NUP98: variants seen among roughly 807,000 people sequenced by gnomAD.
NUP98 encodes nucleoporin 98 and 96 precursor.
NUP98 carries 26 observed loss-of-function variants against 191.9 expected under a neutral mutation model. The observed-to-expected ratio is 0.14, with a 90% CI of 0.10 to 0.19. The LOEUF is 0.19. Among genes scored for constraint, NUP98 ranks in the 10% least tolerant of loss-of-function variants. NUP98 has a pLI of 1.00. For missense variants in NUP98, 1,941 were observed against 2,178.8 expected (o/e 0.89, Z 2.17); for synonymous variants, 808 against 778.4 (o/e 1.04, Z -0.63).
chr11:3,731,059 G>A (rs1200023297), intron 14 of NUP98, among the ~76,000 whole-genome samples: 1 of 152,154 alleles, frequency 6.6e-6, no homozygotes, highest in African/African-American at 2.4e-5. Flanking sequence ...GCAGTCAGGG[G>A]TTCAAGACCA....
At chr11:3,757,217 A>G (rs1450526552) in intron 10 of NUP98, among the ~76,000 whole-genome samples, 1 of 151,908 alleles carries the variant, frequency 6.6e-6, no homozygotes, top group Admixed American at 6.6e-5. Flanking sequence ...GGCTGGGCGC[A>G]GTGGCTCATG....
At chr11:3,712,528 G>T (rs150519608) in intron 20 of NUP98, 36 bp downstream of exon 20, 3 of 1,610,588 alleles carry the variant, frequency 1.9e-6, no homozygotes, top group Non-Finnish European at 2.5e-6. Flanking sequence ...TCGGTATCAC[G>T]GATTCCATTC....
chr11:3,748,625 T>C (rs1434485408), intron 11 of NUP98, among the ~76,000 whole-genome samples: 2 of 152,130 alleles, frequency 1.3e-5, no homozygotes, highest in African/African-American at 4.8e-5. Context: ...GCCAACATGG[T>C]GAAACCCCAT....
intron 18 of NUP98, among the ~76,000 whole-genome samples, chr11:3,714,554 G>T (rs545454370): frequency 2.2e-4 from 34 of 152,238 alleles, no homozygotes; most frequent in African/African-American, 7.9e-4. Context: ...ATAGGTAGAT[G>T]CTGCTCTCCA....
At position 3,797,463 on chromosome 11, in the gene NUP98, A is replaced by G. The variant is rs1370540386; in HGVS notation, c.-92T>C. On this transcript the variant is annotated 5_prime_UTR_variant, in exon 1 of 33. Transcript: ENST00000324932. Reference sequence around the variant, plus strand: ...TGCTGCCACCCGCCGCTCACAGAGCAGCGCGCGGCCCCCACGAAACCGTCG... The same window carrying G: ...TGCTGCCACCCGCCGCTCACAGAGCGGCGCGCGGCCCCCACGAAACCGTCG... 2.4e-6 allele frequency: 1 copy of G among 423,806 alleles called. No homozygotes were observed. Among genetic ancestry groups the G allele is most frequent in the South Asian group, 6.9e-5 (1 of 14,522 alleles). 26.3% of individuals were successfully genotyped at this position (423,806 alleles called of 1,614,324 possible).
intron 29 of NUP98, among the ~76,000 whole-genome samples, chr11:3,684,806 G>T (rs929213025): frequency 7.2e-6 from 1 of 138,266 alleles, no homozygotes; most frequent in Non-Finnish European, 1.5e-5. Context: ...AAAGGCTTAG[G>T]CTTAGAGAGT....
At chr11:3,676,448 T>A (rs1437182434) in intron 32 of NUP98, 61 bp downstream of exon 32, 2 of 1,600,954 alleles carry the variant, frequency 1.2e-6, no homozygotes, top group Admixed American at 1.7e-5. Flanking sequence ...GAGGGTGGGG[T>A]GTAATAATCA....
Position 3,782,017 on chromosome 11 carries a change from T to A in NUP98, c.76+25A>T, listed in dbSNP as rs758603327. Reference sequence around the variant, plus strand: ...AGTAAGGGAGATTAAGGTTTCTCCCTCTTTTGTCCTTTTTAAAAACTTACT... The same window carrying A: ...AGTAAGGGAGATTAAGGTTTCTCCCACTTTTGTCCTTTTTAAAAACTTACT... On this transcript the variant is annotated intron_variant, in intron 2 of 32. Transcript: ENST00000324932. 8 of 1,561,626 alleles carry A rather than the reference T, an allele frequency of 5.1e-6. No homozygotes were observed. The Admixed American group carries it at 6.9e-5, about 13-fold the overall frequency.
chr11:3,786,985 A>T (rs1314918416), intron 1 of NUP98, among the ~76,000 whole-genome samples: 1 of 152,242 alleles, frequency 6.6e-6, no homozygotes, highest in East Asian at 1.9e-4. Flanking sequence ...TGTTAGATGA[A>T]TGGACTGTAT....
At chr11:3,749,540 A>C (rs149232599) in intron 11 of NUP98, among the ~76,000 whole-genome samples, 1 of 152,134 alleles carries the variant, frequency 6.6e-6, no homozygotes, top group Non-Finnish European at 1.5e-5. Flanking sequence ...CAGGAGAATC[A>C]CTTGAACCCA....
At chr11:3,695,337 C>G in intron 26 of NUP98, 112 bp downstream of exon 26, 1 of 985,252 alleles carries the variant, frequency 1.0e-6, no homozygotes, top group Non-Finnish European at 1.4e-6. Flanking sequence ...ATGTGTAAAA[C>G]ATTTTGTGTA....
In NUP98 at chr11:3,762,947, T is replaced by G. The variant is rs1424963160; in HGVS notation, c.1041A>C (p.Thr347=). 2 of 1,614,180 alleles carry G rather than the reference T, an allele frequency of 1.2e-6. No individual in the cohort carries two copies. Among genetic ancestry groups the G allele is most frequent in the Non-Finnish European group, 1.7e-6 (2 of 1,180,036 alleles). ...TSTGTAFGTG[T]GLFGQTNTGF... ...CAGTATTGGTCTGCCCAAAGAGACC[T>G]GTTCCTGTTCCAAATGCTGTCCCAG... Residue 347 remains threonine (T), a synonymous_variant, in exon 9 of 33, where the codon ACA becomes ACC. Coordinates refer to ENST00000324932, the MANE Select transcript of NUP98 (RefSeq NM_016320.5).
intron 12 of NUP98, among the ~76,000 whole-genome samples, chr11:3,743,553 G>C (rs1465758378): frequency 6.7e-6 from 1 of 148,240 alleles, no homozygotes; most frequent in Non-Finnish European, 1.5e-5. Context: ...AGGCTGAGGC[G>C]GGAGAATGGC....
intron 25 of NUP98, among the ~76,000 whole-genome samples, chr11:3,696,362 C>A (rs1032310438): frequency 2.6e-5 from 4 of 151,772 alleles, no homozygotes; most frequent in African/African-American, 9.7e-5. Context: ...ATTAGCCTGG[C>A]GTGGTGGCAC....
intron 1 of NUP98, among the ~76,000 whole-genome samples, chr11:3,797,164 G>A (rs1254902044): frequency 6.6e-6 from 1 of 152,242 alleles, no homozygotes; most frequent in South Asian, 2.1e-4. Flanking sequence ...AGCAACTGGA[G>A]ACCTCCAGGC....
chr11:3,698,525 C>T (rs896424392), intron 25 of NUP98, among the ~76,000 whole-genome samples: 10 of 151,174 alleles, frequency 6.6e-5, no homozygotes, highest in African/African-American at 2.4e-4. Flanking sequence ...GTCAGGAGTT[C>T]GAGACCAGCC....
intron 5 of NUP98, 54 bp downstream of exon 5, chr11:3,775,828 A>G: frequency 6.4e-7 from 1 of 1,552,870 alleles, no homozygotes; most frequent in Non-Finnish European, 8.8e-7. Flanking sequence ...CATCCTGCAA[A>G]GAAATATACA....
rs142605965 is a variant in NUP98 at position 3,723,367 on chromosome 11, T to C, written c.1936A>G (p.Ile646Val). ...GGGGTTTGAGGAATAGGTTTGGCAA[T>C]AGGGTTAGTATAAAAATGTGAAACA... ...SLVSHFYTNP[I>V]AKPIPQTPES... Residue 646 changes from isoleucine to valine, a missense_variant, in exon 16 of 33, where the codon ATT (isoleucine) becomes GTT (valine). Coordinates refer to ENST00000324932, the MANE Select transcript of NUP98 (RefSeq NM_016320.5). 9.9e-6 allele frequency: 16 copies of C among 1,613,966 alleles called. No individual in the cohort carries two copies. The highest frequency in any genetic ancestry group is 8.3e-5 in the Admixed American group (5 of 59,972).
chr11:3,681,819 G>C (rs1215901574), intron 30 of NUP98, among the ~76,000 whole-genome samples: 1 of 152,172 alleles, frequency 6.6e-6, no homozygotes, highest in Admixed American at 6.5e-5. Flanking sequence ...GCCCTAAAGG[G>C]AGAGTTAACT....
Sources: allele counts gnomAD v4.1 joint callset (sites outside exome capture counted in the v4.1 genomes callset), GRCh38; gene constraint gnomAD v4.1.1; transcripts MANE v1.5; gene names NCBI Gene and HGNC (gene_info 2026-07-23, HGNC 2026-07-21).